LRP1B: variants seen among roughly 807,000 people sequenced by gnomAD.
LRP1B encodes the protein LDL receptor related protein 1B.
A neutral mutation model predicts 556.6 loss-of-function variants in LRP1B; 217 were observed. The observed-to-expected ratio is 0.39, with a 90% CI of 0.35 to 0.44. The LOEUF is 0.44. Among genes scored for constraint, LRP1B ranks in the 20% least tolerant of loss-of-function variants. LRP1B has a pLI of 1.00. For synonymous variants in LRP1B, 2,047 were observed against 1,865.8 expected (o/e 1.10, Z -2.50); for missense variants, 5,053 against 5,620.8 (o/e 0.90, Z 3.23).
chr2:140,746,250 T>C (rs1688313120), intron 35 of LRP1B, among the ~76,000 whole-genome samples: 1 of 152,186 alleles, frequency 6.6e-6, no homozygotes, highest in Non-Finnish European at 1.5e-5. Context: ...TCCCCCCACA[T>C]ATAAGTTCCC....
chr2:141,418,142 A>C lies in LRP1B; in HGVS notation c.343+62254T>G, dbSNP rs142164817. 8.7e-3 allele frequency among the ~76,000 whole-genome samples: 1,323 copies of C among 152,280 alleles called. 17 individuals carry two copies. Among genetic ancestry groups the C allele is most frequent in the African/African-American group, 0.03 (1,257 of 41,562 alleles). On this transcript the variant is annotated intron_variant, in intron 3 of 90. Coordinates refer to ENST00000389484, the MANE Select transcript of LRP1B (RefSeq NM_018557.3). ...GAGTTTCTTATATATTTTGGACATT[A>C]ACCCTTTATCAGATATATGGTTTTC...
intron 7 of LRP1B, among the ~76,000 whole-genome samples, chr2:141,141,460 A>G (rs1701650548): frequency 1.3e-5 from 2 of 152,176 alleles, no homozygotes; most frequent in Non-Finnish European, 1.5e-5. Flanking sequence ...ACTTCTTTTT[A>G]AAGGATTTAT....
At chr2:140,246,500 C>A (rs1208218888) in intron 87 of LRP1B, among the ~76,000 whole-genome samples, 1 of 146,310 alleles carries the variant, frequency 6.8e-6, no homozygotes, top group African/African-American at 2.5e-5. Context: ...GATATAGACA[C>A]AAGTGACCCT....
intron 18 of LRP1B, among the ~76,000 whole-genome samples, chr2:140,964,230 T>G (rs551724517): frequency 1.6e-4 from 25 of 152,242 alleles, no homozygotes; most frequent in African/African-American, 5.8e-4. Context: ...ACTACTGCTA[T>G]CTGGAAGGCA....
intron 69 of LRP1B, among the ~76,000 whole-genome samples, chr2:140,372,747 T>A (rs887499957): frequency 2.6e-5 from 4 of 152,156 alleles, no homozygotes; most frequent in Non-Finnish European, 5.9e-5. Context: ...CCAAATGGTA[T>A]AATAAGATAT....
chr2:141,883,612 T>G (rs2104898664), intron 1 of LRP1B, among the ~76,000 whole-genome samples: 1 of 152,198 alleles, frequency 6.6e-6, no homozygotes, highest in South Asian at 2.1e-4. Flanking sequence ...TAGCCTCAGC[T>G]ACAGTGAAGG....
intron 11 of LRP1B, among the ~76,000 whole-genome samples, chr2:141,034,524 A>T (rs1032995667): frequency 6.6e-6 from 1 of 152,110 alleles, no homozygotes; most frequent in Non-Finnish European, 1.5e-5. Context: ...AAAAAAACAA[A>T]CCCCATCAAA....
At chr2:141,796,578 C>CTTTTTTTTTTTTTT (rs75317117) in intron 2 of LRP1B, among the ~76,000 whole-genome samples, 1 of 127,576 alleles carries the variant, frequency 7.8e-6, no homozygotes, top group Non-Finnish European at 1.7e-5. Context: ...GCATTTTATT[C>CTTTTTTTTTTTTTT]TTTTTTTTTT....
chr2:141,918,268 C>T (rs997209622), intron 1 of LRP1B, among the ~76,000 whole-genome samples: 7 of 151,808 alleles, frequency 4.6e-5, no homozygotes, highest in East Asian at 1.9e-4. Context: ...TTGCTCGATA[C>T]GTTACAATGA....
chr2:140,555,772 C>T (rs1680709375), intron 43 of LRP1B, among the ~76,000 whole-genome samples: 1 of 152,056 alleles, frequency 6.6e-6, no homozygotes. Flanking sequence ...ATCATCAAAT[C>T]TATGCTTAGA....
intron 41 of LRP1B, among the ~76,000 whole-genome samples, chr2:140,613,374 T>TATATAATTATATAAATATAA (rs1683143782): frequency 7.3e-6 from 1 of 136,806 alleles, no homozygotes; most frequent in African/African-American, 2.6e-5. Flanking sequence ...AATATAAATA[T>TATATAATTATATAAATATAA]ATATAATTAT....
chr2:141,958,934 T>G (rs914034171), intron 1 of LRP1B, among the ~76,000 whole-genome samples: 2 of 152,042 alleles, frequency 1.3e-5, no homozygotes, highest in East Asian at 1.9e-4. Context: ...ATTTAATGTC[T>G]TCTTTATTCT....
At chr2:141,585,823 C>G (rs1442444232) in intron 2 of LRP1B, among the ~76,000 whole-genome samples, 1 of 151,752 alleles carries the variant, frequency 6.6e-6, no homozygotes, top group East Asian at 1.9e-4. Context: ...TCATAGCTCA[C>G]TGCAGCTTAG....
intron 2 of LRP1B, among the ~76,000 whole-genome samples, chr2:141,616,858 T>C (rs1688317726): frequency 6.6e-6 from 1 of 152,224 alleles, no homozygotes; most frequent in African/African-American, 2.4e-5. Context: ...TTATAAGTAC[T>C]GTTTTGTTAA....
intron 7 of LRP1B, among the ~76,000 whole-genome samples, chr2:141,131,811 T>C (rs1020913301): frequency 6.6e-6 from 1 of 152,000 alleles, no homozygotes; most frequent in African/African-American, 2.4e-5. Context: ...TTATGAATTC[T>C]CTCATACTGT....
At chr2:142,053,997 G>A (rs1335396569) in intron 1 of LRP1B, among the ~76,000 whole-genome samples, 1 of 152,086 alleles carries the variant, frequency 6.6e-6, no homozygotes, top group Non-Finnish European at 1.5e-5. Context: ...TTGAAGGATG[G>A]CCAAGAGTTC....
At chr2:140,500,775 C>T (rs1373348436) in intron 55 of LRP1B, among the ~76,000 whole-genome samples, 2 of 151,912 alleles carry the variant, frequency 1.3e-5, no homozygotes, top group Middle Eastern at 3.2e-3. Context: ...TCCAATTCGT[C>T]ATGGTTTCCC....
chr2:140,593,742 T>C (rs1240068749), intron 43 of LRP1B, among the ~76,000 whole-genome samples: 3 of 152,130 alleles, frequency 2.0e-5, no homozygotes, highest in Non-Finnish European at 2.9e-5. Flanking sequence ...TTCAGTTTGA[T>C]AGAAAAAAAC....
chr2:140,525,901 A>G lies in LRP1B; in HGVS notation c.7969T>C (p.Trp2657Arg), dbSNP rs1246786239. ...CAGTCATTAGACCCGTCGCATATCC[A>G]GGTTGGCAGAACACACAGTGAGGTA... is the stretch of plus-strand genomic sequence containing the variant. ...NSTSLCVLPT[W>R]ICDGSNDCGD... Residue 2657 changes from tryptophan (W) to arginine (R), a missense_variant, in exon 49 of 91, where the codon TGG becomes CGG. Physicochemically the swap from Trp to Arg is moderately radical, Grantham distance 101 (BLOSUM62 -3). Coordinates refer to ENST00000389484, the MANE Select transcript of LRP1B (RefSeq NM_018557.3). 1 of 1,612,494 alleles carries G rather than the reference A, an allele frequency of 6.2e-7. No individual in the cohort carries two copies.
Sources: allele counts gnomAD v4.1 joint callset (sites outside exome capture counted in the v4.1 genomes callset), GRCh38; gene constraint gnomAD v4.1.1; transcripts MANE v1.5; gene names NCBI Gene and HGNC (gene_info 2026-07-23, HGNC 2026-07-21).